Variants in CD6 observed in about 807,000 individuals in gnomAD.
The protein encoded by CD6 is CD6 molecule, also known as T-cell differentiation antigen CD6.
CD6 carries 53 observed loss-of-function variants against 75.3 expected under a neutral mutation model. That is an observed-to-expected ratio of 0.70 (90% CI 0.56 to 0.88). CD6 has a LOEUF of 0.88. Among genes scored for constraint, CD6 ranks in the 40% least tolerant of loss-of-function variants. The pLI is 0.00. For missense variants in CD6, 770 were observed against 897.1 expected (o/e 0.86, Z 1.81); for synonymous variants, 359 against 381.5 (o/e 0.94, Z 0.69).
intron 2 of CD6, 53 bp downstream of exon 2, chr11:61,006,695 C>A: frequency 6.9e-7 from 1 of 1,443,724 alleles, no homozygotes; most frequent in African/African-American, 1.4e-5. Context: ...TAGGTGGTCC[C>A]CCAGGGTAAT....
chr11:61,005,940 A>AG (rs1590710198), intron 1 of CD6, among the ~76,000 whole-genome samples: 2 of 151,188 alleles, frequency 1.3e-5, no homozygotes, highest in East Asian at 2.1e-4. Flanking sequence ...TCAAAAAAAA[A>AG]AAAAGAAAGA....
chr11:60,979,553 G>A (rs983438305), intron 1 of CD6, among the ~76,000 whole-genome samples: 12 of 150,782 alleles, frequency 8.0e-5, no homozygotes, highest in Admixed American at 2.0e-4. Flanking sequence ...TGCAACCTCC[G>A]CCTCCCAGGT....
intron 1 of CD6, among the ~76,000 whole-genome samples, chr11:60,995,852 A>G (rs1368220274): frequency 6.6e-6 from 1 of 152,042 alleles, no homozygotes; most frequent in African/African-American, 2.4e-5. Flanking sequence ...GAGTCCCTGG[A>G]TCTTGGGTTC....
intron 9 of CD6, 33 bp from the exon 10 acceptor site, chr11:61,017,446 T>A (rs1394403794): frequency 6.6e-7 from 1 of 1,520,026 alleles, no homozygotes; most frequent in Non-Finnish European, 8.9e-7. Context: ...AGGTTGAGCC[T>A]TCACCCCTCC....
intron 11 of CD6, 45 bp downstream of exon 11, chr11:61,018,058 C>A: frequency 1.9e-6 from 3 of 1,594,370 alleles, no homozygotes; most frequent in Non-Finnish European, 8.5e-7. Context: ...GCCAGCCTGG[C>A]TGGAGGAGGC....
intron 5 of CD6, among the ~76,000 whole-genome samples, chr11:61,010,394 C>A (rs973204416): frequency 6.6e-6 from 1 of 152,118 alleles, no homozygotes; most frequent in Admixed American, 6.5e-5. Flanking sequence ...TAAAGAAGAA[C>A]GAACACTGCC....
intron 1 of CD6, among the ~76,000 whole-genome samples, chr11:60,997,721 C>T (rs1454500907): frequency 6.6e-6 from 1 of 152,192 alleles, no homozygotes; most frequent in Non-Finnish European, 1.5e-5. Flanking sequence ...ATCTCACTTA[C>T]TCTGGCCATT....
chr11:60,993,178 C>T (rs1394245428), intron 1 of CD6, among the ~76,000 whole-genome samples: 2 of 152,166 alleles, frequency 1.3e-5, no homozygotes, highest in Non-Finnish European at 1.5e-5. Flanking sequence ...ACAGCAACTA[C>T]AGCCCACATC....
At chr11:60,991,505 A>G (rs1858064123) in intron 1 of CD6, among the ~76,000 whole-genome samples, 1 of 151,872 alleles carries the variant, frequency 6.6e-6, no homozygotes, top group Non-Finnish European at 1.5e-5. Flanking sequence ...CATCCTGAAT[A>G]TGTTGTTTTT....
Position 61,016,637 on chromosome 11 carries a change from C to T in CD6, c.1510+802C>T, listed in dbSNP as rs4939486. On this transcript the variant is annotated intron_variant, in intron 9 of 12. Coordinates refer to ENST00000313421, the MANE Select transcript of CD6 (RefSeq NM_006725.5). ...CACATTCCAGGCAAGGGCAAGGGAA[C>T]GATGGGATGCTGGAGATGGCCACAG... Among the ~76,000 whole-genome samples, 192 of 152,316 alleles carry T rather than the reference C, an allele frequency of 1.3e-3. 3 individuals carry two copies. In the East Asian group the frequency reaches 0.024, roughly 19 times the overall value.
intron 1 of CD6, among the ~76,000 whole-genome samples, chr11:61,001,369 A>C (rs1858580762): frequency 6.6e-6 from 1 of 151,868 alleles, no homozygotes; most frequent in Non-Finnish European, 1.5e-5. Flanking sequence ...CGCCTGGCTA[A>C]CTTTTGTATT....
intron 1 of CD6, among the ~76,000 whole-genome samples, chr11:60,984,632 C>A (rs1332661266): frequency 1.3e-5 from 2 of 152,226 alleles, no homozygotes; most frequent in Non-Finnish European, 2.9e-5. Context: ...AACATAAACA[C>A]ATTTTTAAAA....
rs1232333505 is a variant in CD6, at chr11:61,009,893, C to T, written c.1084+19C>T. ...TGCTCAGGTACCCCATCCTACTCCA[C>T]CCCCCCAGATTTGAGCCAGAATTCT... On this transcript the variant is annotated intron_variant, in intron 5 of 12. Coordinates refer to ENST00000313421, the MANE Select transcript of CD6 (RefSeq NM_006725.5). 4.6e-6 allele frequency: 7 copies of T among 1,518,020 alleles called. No homozygotes were observed. Among genetic ancestry groups the T allele is most frequent in the African/African-American group, 4.2e-5 (3 of 71,906 alleles). The allele number at this position is 1,518,020 out of a possible 1,614,324, so 94.0% of individuals were successfully genotyped here.
At chr11:60,999,995 T>C (rs2135119763) in intron 1 of CD6, among the ~76,000 whole-genome samples, 1 of 152,060 alleles carries the variant, frequency 6.6e-6, no homozygotes, top group Admixed American at 6.6e-5. Flanking sequence ...GAGGTGGCAG[T>C]GAACCGAGAT....
chr11:60,984,189 A>G lies in CD6; in HGVS notation c.49+12275A>G, dbSNP rs11230549. On this transcript the variant is annotated intron_variant, in intron 1 of 12. Coordinates refer to ENST00000313421, the MANE Select transcript of CD6 (RefSeq NM_006725.5). ...ATGTAAATATCTTACTCTTCCTCAA[A>G]CCTTTGCCCACTAGTTGTAACATTA... Among the ~76,000 whole-genome samples the G allele has an allele frequency of 2.2e-4, 34 of 151,912 alleles. No homozygotes were observed. In the East Asian group the frequency reaches 6.0e-3, roughly 27 times the overall value.
intron 11 of CD6, 38 bp from the exon 12 acceptor site, chr11:61,018,251 T>G: frequency 6.6e-7 from 1 of 1,505,990 alleles, no homozygotes; most frequent in Non-Finnish European, 9.0e-7. Context: ...GAAGTGGCTG[T>G]GTGCTGGCAG....
intron 1 of CD6, among the ~76,000 whole-genome samples, chr11:61,002,297 A>T (rs1163791538): frequency 6.6e-6 from 1 of 152,210 alleles, no homozygotes; most frequent in Non-Finnish European, 1.5e-5. Context: ...TCACACCTGT[A>T]TGCCCAGCAG....
In CD6 at chr11:61,015,771, G is replaced by A. The variant is rs140811153; in HGVS notation, c.1446G>A (p.Ser482=). ...CCCCTGAGGACTCAGACTCTGGCTC[G>A]GACTCAGACTATGAGCACTATGACT... ...APPPEDSDSG[S]DSDYEHYDFS... Residue 482 remains serine, a synonymous_variant, in exon 9 of 13, where the codon TCG becomes TCA. Coordinates refer to ENST00000313421, the MANE Select transcript of CD6 (RefSeq NM_006725.5). The A allele has an allele frequency of 1.1e-5, 18 of 1,614,114 alleles. No homozygotes were observed. The highest frequency in any genetic ancestry group is 9.3e-5 in the African/African-American group (7 of 75,016).
rs1253281340 is a variant in CD6, at chr11:61,018,012, A to G, written c.1836A>G (p.Ser612=). ...LELAGTQPAF[S]AGPPADDSSS... ...TGGCCGGCACCCAGCCAGCCTTTTC[A>G]GGTAAGCTGTGCCTCCCCCAAACCC... The change falls in exon 11 of 13, where the codon TCA becomes TCG. Residue 612 remains serine, a splice_region_variant and synonymous_variant. Coordinates refer to ENST00000313421, the MANE Select transcript of CD6 (RefSeq NM_006725.5). The G allele has an allele frequency of 1.9e-6, 3 of 1,610,568 alleles. No homozygotes were observed. Among genetic ancestry groups the G allele is most frequent in the Non-Finnish European group, 2.5e-6 (3 of 1,179,610 alleles).
Sources: allele counts gnomAD v4.1 joint callset (sites outside exome capture counted in the v4.1 genomes callset), GRCh38; gene constraint gnomAD v4.1.1; transcripts MANE v1.5; gene names NCBI Gene and HGNC (gene_info 2026-07-23, HGNC 2026-07-21).